ASMTL: variants seen among roughly 807,000 people sequenced by gnomAD.
The protein encoded by ASMTL is probable bifunctional dTTP/UTP pyrophosphatase/methyltransferase protein.
ASMTL carries 57 observed loss-of-function variants against 60.3 expected under a neutral mutation model. The observed-to-expected ratio is 0.95, with a 90% confidence interval of 0.76 to 1.18. The LOEUF (loss-of-function observed/expected upper bound fraction) is 1.18. Ranked by LOEUF, ASMTL falls within the 50% of genes most tolerant of loss-of-function variation. The pLI is 0.00. For synonymous variants in ASMTL, 419 were observed against 373.0 expected (o/e 1.12, Z -1.42); for missense variants, 981 against 852.6 (o/e 1.15, Z -1.88).
chrX:1,416,838 CAG>C (rs2090297585), intron 11 of ASMTL, among the ~76,000 whole-genome samples: 1 of 151,234 alleles, frequency 6.6e-6, no homozygotes, highest in African/African-American at 2.4e-5. Context: ...GATGGGCACA[CAG>C]ACATGCACAC....
At chrX:1,439,011 A>G (rs2091042677) in intron 3 of ASMTL, 86 bp downstream of exon 3, 2 of 1,396,938 alleles carry the variant, frequency 1.4e-6, no homozygotes, top group South Asian at 2.3e-5. Flanking sequence ...CTTAAGGGGA[A>G]TGTACAACAT....
chrX:1,422,552 C>T (rs771940691), intron 8 of ASMTL, among the ~76,000 whole-genome samples: 1 of 152,214 alleles, frequency 6.6e-6, no homozygotes, highest in African/African-American at 2.4e-5. Context: ...TCCATAGACC[C>T]AGTCCCCAAG....
chrX:1,439,627 T>G (rs1396869589), intron 2 of ASMTL, among the ~76,000 whole-genome samples: 1 of 152,036 alleles, frequency 6.6e-6, no homozygotes, highest in African/African-American at 2.4e-5. Context: ...CGGGCGCATC[T>G]CCTGAGGTCA....
intron 1 of ASMTL, among the ~76,000 whole-genome samples, chrX:1,444,764 C>G (rs2091198491): frequency 6.6e-6 from 1 of 152,056 alleles, no homozygotes; most frequent in Admixed American, 6.6e-5. Context: ...TCATCCTGGG[C>G]TAACTCCTGG....
At chrX:1,416,913 C>A (rs1424275817) in intron 11 of ASMTL, among the ~76,000 whole-genome samples, 3 of 151,500 alleles carry the variant, frequency 2.0e-5, no homozygotes, top group African/African-American at 7.3e-5. Flanking sequence ...ACATACACAC[C>A]ACAGAGGTGC....
chrX:1,412,454 C>G (rs2090065940), intron 12 of ASMTL, among the ~76,000 whole-genome samples: 1 of 152,180 alleles, frequency 6.6e-6, no homozygotes, highest in Non-Finnish European at 1.5e-5. Context: ...TCTCGAACTG[C>G]TCACCCCGGG....
intron 12 of ASMTL, 133 bp from the exon 13 acceptor site, chrX:1,403,622 C>T (rs1385027279): frequency 4.0e-6 from 3 of 748,642 alleles, no homozygotes; most frequent in Non-Finnish European, 6.8e-6. Flanking sequence ...GGCCAGGGGG[C>T]CCACACAGGT....
chrX:1,435,529 T>G (rs2090938250), intron 4 of ASMTL, 165 bp downstream of exon 4: 1 of 680,994 alleles, frequency 1.5e-6, no homozygotes, highest in Non-Finnish European at 2.7e-6. Context: ...CATGGAGGGA[T>G]AGTGCCTGCC....
At chrX:1,404,391 A>G (rs1460149471) in intron 12 of ASMTL, among the ~76,000 whole-genome samples, 8 of 148,812 alleles carry the variant, frequency 5.4e-5, no homozygotes, top group Non-Finnish European at 1.0e-4. Flanking sequence ...GATGATGGGT[A>G]GGTAGGTGGA....
At chrX:1,419,888 G>A (rs749614999) in intron 9 of ASMTL, among the ~76,000 whole-genome samples, 53 of 152,196 alleles carry the variant, frequency 3.5e-4, no homozygotes, top group Admixed American at 6.5e-4. Context: ...CGTGCCTCTC[G>A]GCTTCTCCAC....
chrX:1,436,889 A>G (rs2090980298), intron 3 of ASMTL, among the ~76,000 whole-genome samples: 1 of 152,230 alleles, frequency 6.6e-6, no homozygotes, highest in Admixed American at 6.5e-5. Context: ...AAAGTCCTAC[A>G]ACCCAGGTGG....
rs1307893264 is a variant in ASMTL at position 1,435,011 on chromosome X, G to C, written c.400+11C>G. Reference sequence around the variant, plus strand: ...CCTCTGGGGCTACCCCGAAACCTGGGCCGCGGTTACCTTTGCTGGAGCAGT... The same window carrying C: ...CCTCTGGGGCTACCCCGAAACCTGGCCCGCGGTTACCTTTGCTGGAGCAGT... On this transcript the variant is annotated intron_variant, in intron 5 of 12. Transcript: ENST00000381317. 1 of 1,613,624 alleles carries C rather than the reference G, an allele frequency of 6.2e-7. No homozygotes were observed. The highest frequency in any genetic ancestry group is 8.5e-7 in the Non-Finnish European group (1 of 1,179,838).
intron 8 of ASMTL, among the ~76,000 whole-genome samples, chrX:1,423,876 T>TCAAC (rs1415403667): frequency 7.1e-6 from 1 of 140,320 alleles, no homozygotes; most frequent in East Asian, 2.3e-4. Flanking sequence ...ACATGCCCAC[T>TCAAC]CATCCATCCA....
chrX:1,438,784 G>A lies in ASMTL; in HGVS notation c.273+313C>T, dbSNP rs1468979575. On this transcript the variant is annotated intron_variant, in intron 3 of 12. Coordinates refer to ENST00000381317, the MANE Select transcript of ASMTL (RefSeq NM_004192.4). ...TATGATACTATCAATTAGCCACCACGTCTGGCTAATTTTTGTATTTTTAGT... is the reference window on the plus strand; with the variant it reads ...TATGATACTATCAATTAGCCACCACATCTGGCTAATTTTTGTATTTTTAGT... Among the ~76,000 whole-genome samples the A allele has an allele frequency of 3.3e-5, 5 of 152,208 alleles. No homozygotes were observed. The South Asian group carries it at 6.2e-4, about 19-fold the overall frequency.
In ASMTL at chrX:1,418,027, C is replaced by G. The variant is rs1426640967; in HGVS notation, c.1468G>C (p.Ala490Pro). 1 of 1,613,438 alleles carries G rather than the reference C, an allele frequency of 6.2e-7. No individual in the cohort carries two copies. Among genetic ancestry groups the G allele is most frequent in the Non-Finnish European group, 8.5e-7 (1 of 1,179,654 alleles). ...GGTCCGGGGGGTTGGAAGTGGGCGG[C>G]CAGCTCGATAATGTCTGGGAGGTCA... ...VFDLPDIIELAAHFQPPGPQA... is the reference protein window; with the variant it reads ...VFDLPDIIELPAHFQPPGPQA... The change falls in exon 11 of 13, where the codon GCC becomes CCC. Residue 490 changes from alanine to proline, a missense_variant. Ala to Pro is a conservative substitution (Grantham distance 27). Transcript: ENST00000381317.
At chrX:1,414,329 A>G (rs1470383800) in intron 11 of ASMTL, among the ~76,000 whole-genome samples, 2 of 152,136 alleles carry the variant, frequency 1.3e-5, no homozygotes, top group Non-Finnish European at 2.9e-5. Flanking sequence ...CATGAGGGGA[A>G]AGAAGGGGCG....
chrX:1,412,207 C>G lies in ASMTL; in HGVS notation c.1645+525G>C, dbSNP rs190407346. 2.1e-3 allele frequency among the ~76,000 whole-genome samples: 323 copies of G among 152,176 alleles called. 1 individual carries two copies. The highest frequency in any genetic ancestry group is 7.0e-3 in the African/African-American group (289 of 41,514). ...CTGGACCTGCCAACCTCCAAAGTCA[C>G]ATAAGCCAATTCTTTTTTTGTTGTG... On this transcript the variant is annotated intron_variant, in intron 12 of 12. Coordinates refer to ENST00000381317, the MANE Select transcript of ASMTL (RefSeq NM_004192.4).
intron 12 of ASMTL, among the ~76,000 whole-genome samples, chrX:1,406,696 TAGATGGATGCATGCATG>T (rs1336806234): frequency 6.6e-6 from 1 of 151,548 alleles, no homozygotes; most frequent in African/African-American, 2.4e-5. Context: ...AATGGATGGA[TAGATGGATGCATGCATG>T]AGATGGATGG....
chrX:1,431,136 TTATA>T (rs780006460), intron 6 of ASMTL, among the ~76,000 whole-genome samples: 4 of 125,456 alleles, frequency 3.2e-5, no homozygotes, highest in Non-Finnish European at 4.6e-5. Flanking sequence ...CATTTTATAA[TTATA>T]TATATAATTA....
Sources: gnomAD v4.1 joint callset for allele counts (sites outside exome capture counted in the v4.1 genomes callset) on GRCh38, gnomAD v4.1.1 for gene constraint, MANE v1.5 for transcripts, NCBI Gene and HGNC (gene_info 2026-07-23, HGNC 2026-07-21) for gene names.